Variants in SALL2 observed in about 807,000 individuals in gnomAD.
SALL2 encodes spalt like transcription factor 2, also known as sal-like protein 2.
SALL2 carries 32 observed loss-of-function variants against 58.5 expected under a neutral mutation model. That is an observed-to-expected ratio of 0.55 (90% CI 0.41 to 0.74). The LOEUF is 0.74. Ranked by LOEUF, SALL2 falls within the 30% of genes least tolerant of loss-of-function variation. SALL2 has a pLI of 0.00. For synonymous variants in SALL2, 516 were observed against 513.6 expected, an observed-to-expected ratio of 1.00 and a Z score of -0.06; for missense variants, 1,201 against 1,268.9, an observed-to-expected ratio of 0.95 and a Z score of 0.81.
At chr14:21,526,419 G>A, upstream of SALL2, 1 of 1,364,376 alleles carries the variant, frequency 7.3e-7, no homozygotes, top group Non-Finnish European at 9.4e-7. Context: ...AGAGGAGGCG[G>A]GAGAAGGGAG....
chr14:21,527,264 C>T (rs947063365), upstream of SALL2, among the ~76,000 whole-genome samples: 1 of 152,180 alleles, frequency 6.6e-6, no homozygotes, highest in Admixed American at 6.5e-5. Context: ...GTGTCTAAAG[C>T]CCTTTCAGCC....
intron 1 of SALL2, among the ~76,000 whole-genome samples, chr14:21,531,525 C>A (rs189590575): frequency 6.6e-6 from 1 of 151,492 alleles, no homozygotes; most frequent in East Asian, 1.9e-4. Flanking sequence ...TCCTGCCTCA[C>A]CCTCCCTAGT....
chr14:21,525,486 G>A lies in SALL2; in HGVS notation c.236C>T (p.Pro79Leu), dbSNP rs767019356. 1.2e-6 allele frequency: 2 copies of A among 1,613,968 alleles called. No individual in the cohort carries two copies. Among genetic ancestry groups the A allele is most frequent in the East Asian group, 2.2e-5 (1 of 44,856 alleles). The change falls in exon 2 of 2, where the codon CCC (proline) becomes CTC (leucine). Residue 79 changes from proline (P) to leucine (L), a missense_variant. By Grantham distance (98) the Pro-to-Leu change is moderately conservative (BLOSUM62 -3). Transcript: ENST00000537235. The surrounding 1 kb of genome is among the most constrained non-coding windows in gnomAD (Gnocchi z 4.4). ...NPNNSSASSE[P>L]RPEGHNNPQV... ...AGGATTATTGTGACCCTCAGGCCGGGGTTCAGAGGAGGCCGAAGAGTTGTT... is the reference window on the plus strand; with the variant it reads ...AGGATTATTGTGACCCTCAGGCCGGAGTTCAGAGGAGGCCGAAGAGTTGTT...
In SALL2 at chr14:21,523,891, C is replaced by T. The variant is rs1892160185; in HGVS notation, c.1831G>A (p.Gly611Arg). 6.2e-7 allele frequency: 1 copy of T among 1,614,194 alleles called. No individual in the cohort carries two copies. The highest frequency in any genetic ancestry group is 1.1e-5 in the South Asian group (1 of 91,090). ...GCAGGGGCAGAGGTGGTGGGGGCTCCTGAGGCAGCTGAGGTCACCGCCACA... is the reference window on the plus strand; with the variant it reads ...GCAGGGGCAGAGGTGGTGGGGGCTCTTGAGGCAGCTGAGGTCACCGCCACA... ...GAVAVTSAAS[G>R]APTTSAPAPS... The change falls in exon 2 of 2, where the codon GGA (glycine) becomes AGA (arginine). Residue 611 changes from glycine (G) to arginine (R), a missense_variant. By Grantham distance (125) the Gly-to-Arg change is moderately radical (BLOSUM62 -2). Coordinates refer to ENST00000537235, the MANE Select transcript of SALL2 (RefSeq NM_001364564.1). The surrounding 1 kb of genome is among the most constrained non-coding windows in gnomAD (Gnocchi z 4.4).
upstream of SALL2, among the ~76,000 whole-genome samples, chr14:21,529,181 A>C (rs543157543): frequency 6.3e-4 from 96 of 152,300 alleles, no homozygotes; most frequent in African/African-American, 2.1e-3. Context: ...AACATGAATG[A>C]AGTCACAAAT....
rs761929360 is a variant in SALL2, at chr14:21,523,478, C to A, written c.2244G>T (p.Gln748His). Residue 748 changes from glutamine (Q) to histidine (H), a missense_variant, in exon 2 of 2, where the codon CAG (glutamine) becomes CAT (histidine). By Grantham distance (24) the Gln-to-His change is conservative. Coordinates refer to ENST00000537235, the MANE Select transcript of SALL2 (RefSeq NM_001364564.1). This position sits in a 1 kb window ranked among gnomAD's most constrained non-coding sequence, Gnocchi z 4.4. ...STVSGARSFP[Q>H]QQSQQPSPEE... ...CCGGTGATGGCTGCTGGGACTGCTG[C>A]TGGGGGAAACTCCGTGCCCCGGAGA... is the stretch of plus-strand genomic sequence containing the variant. The A allele has an allele frequency of 4.9e-5, 79 of 1,614,070 alleles. No individual in the cohort carries two copies. The highest frequency in any genetic ancestry group is 6.6e-5 in the Non-Finnish European group (78 of 1,180,046).
intron 1 of SALL2, among the ~76,000 whole-genome samples, chr14:21,535,049 TAAA>T (rs767630032): frequency 3.2e-4 from 48 of 152,074 alleles, no homozygotes; most frequent in Non-Finnish European, 5.3e-4. Context: ...ACACGTCTCA[TAAA>T]GAAATGCTGA....
Position 21,524,685 on chromosome 14 carries a change from A to C in SALL2, c.1037T>G (p.Leu346Arg). 6.2e-7 allele frequency: 1 copy of C among 1,614,038 alleles called. No homozygotes were observed. The highest frequency in any genetic ancestry group is 8.5e-7 in the Non-Finnish European group (1 of 1,180,024). ...GLEATASPGL[L>R]KPKNGSGELS... ...CTCACCACTTCCATTCTTTGGCTTC[A>C]GGAGCCCTGGGGAGGCAGTGGCCTC... Residue 346 changes from leucine (L) to arginine (R), a missense_variant, in exon 2 of 2, where the codon CTG becomes CGG. Physicochemically the swap from Leu to Arg is moderately radical, Grantham distance 102. This residue lies in a region of SALL2 where 467 missense variants were observed against 468.9 expected (regional missense o/e 1.00). Transcript: ENST00000537235.
rs750942376 is a variant in SALL2, at chr14:21,522,941, A to G, written c.2781T>C (p.His927=). Reference sequence around the variant, plus strand: ...GCCCCTCCTTGGGGTGGGTCTTCTGATGCTCCTCCAGAGCTGCCTGGGAGG... The same window carrying G: ...GCCCCTCCTTGGGGTGGGTCTTCTGGTGCTCCTCCAGAGCTGCCTGGGAGG... ...AFPSQAALEE[H]QKTHPKEGPL... The change falls in exon 2 of 2, where the codon CAT becomes CAC. Residue 927 remains histidine (H), a synonymous_variant. Coordinates refer to ENST00000537235, the MANE Select transcript of SALL2 (RefSeq NM_001364564.1). 148 of 1,613,892 alleles carry G rather than the reference A, an allele frequency of 9.2e-5. No homozygotes were observed. Among genetic ancestry groups the G allele is most frequent in the Non-Finnish European group, 1.2e-4 (145 of 1,179,982 alleles).
rs1466352816 is a variant in SALL2, at chr14:21,526,084, C to A, written c.44G>T (p.Cys15Phe). The stretch of plus-strand genomic sequence containing the variant: ...ACCTCCGAGCTCTGCCGGCTCCCCG[C>A]AGGGCACCCCGAGACGAGAGCTCCT... ...SERSSRLGVP[C>F]GEPAELGGDA... The change falls in exon 1 of 2, where the codon TGC (cysteine) becomes TTC (phenylalanine). Residue 15 changes from cysteine to phenylalanine, a missense_variant. Around this residue, in one of 3 missense-constraint regions of SALL2, gnomAD observed 467 missense variants for 468.9 expected, o/e 1.00. Coordinates refer to ENST00000537235, the MANE Select transcript of SALL2 (RefSeq NM_001364564.1). 6.5e-7 allele frequency: 1 copy of A among 1,537,018 alleles called. No individual in the cohort carries two copies. The highest frequency in any genetic ancestry group is 8.7e-7 in the Non-Finnish European group (1 of 1,147,370).
rs912463279 is a variant in SALL2 at position 21,521,848 on chromosome 14, C to T, written c.*856G>A. The T allele has an allele frequency of 1.2e-6, 1 of 827,822 alleles. No homozygotes were observed. Among genetic ancestry groups the T allele is most frequent in the Non-Finnish European group, 1.8e-6 (1 of 549,974 alleles). 51.3% of individuals were successfully genotyped at this position (827,822 alleles called of 1,614,324 possible). On this transcript the variant is annotated 3_prime_UTR_variant, in exon 2 of 2. Transcript: ENST00000537235. ...GTCTTGGCACACTGACCAGCCAAAA[C>T]CTTTACCTTAATGTGACCATCAGGG...
At position 21,524,217 on chromosome 14, in the gene SALL2, C is replaced by T; in HGVS notation, c.1505G>A (p.Gly502Glu). ...STSAGTATAPGLPAFNKFVLM... is the reference protein window; with the variant it reads ...STSAGTATAPELPAFNKFVLM... ...CACAAACTTATTGAAAGCAGGGAGT[C>T]CTGGAGCCGTGGCTGTGCCTGCACT... The change falls in exon 2 of 2, where the codon GGA becomes GAA. Residue 502 changes from glycine to glutamate, a missense_variant. By Grantham distance (98) the Gly-to-Glu change is moderately conservative (BLOSUM62 -2). Around this residue, in one of 3 missense-constraint regions of SALL2, gnomAD observed 675 missense variants for 683.8 expected, o/e 0.99. Coordinates refer to ENST00000537235, the MANE Select transcript of SALL2 (RefSeq NM_001364564.1). 1 of 1,612,308 alleles carries T rather than the reference C, an allele frequency of 6.2e-7. No individual in the cohort carries two copies. The highest frequency in any genetic ancestry group is 8.5e-7 in the Non-Finnish European group (1 of 1,179,124).
chr14:21,526,028 C>T (rs1017598423), intron 1 of SALL2, 33 bp downstream of exon 1: 1 of 1,490,076 alleles, frequency 6.7e-7, no homozygotes, highest in Middle Eastern at 1.7e-4. Flanking sequence ...CCTCCGCCCC[C>T]ACCCCTGCCC....
Position 21,525,325 on chromosome 14 carries a change from C to T in SALL2, c.397G>A (p.Gly133Arg). Reference protein sequence around the residue: ...FLVAATGTAAGGGGGLILASP... With the variant: ...FLVAATGTAARGGGGLILASP... Reference sequence around the variant, plus strand: ...GCCAAGATCAGGCCCCCGCCTCCCCCAGCCGCTGTACCTGTGGCAGCGACC... The same window carrying T: ...GCCAAGATCAGGCCCCCGCCTCCCCTAGCCGCTGTACCTGTGGCAGCGACC... The change falls in exon 2 of 2, where the codon GGG (glycine) becomes AGG (arginine). Residue 133 changes from glycine (G) to arginine (R), a missense_variant. Coordinates refer to ENST00000537235, the MANE Select transcript of SALL2 (RefSeq NM_001364564.1). The surrounding 1 kb of genome is among the most constrained non-coding windows in gnomAD (Gnocchi z 4.4). 1 of 1,613,830 alleles carries T rather than the reference C, an allele frequency of 6.2e-7. No individual in the cohort carries two copies. Among genetic ancestry groups the T allele is most frequent in the Non-Finnish European group, 8.5e-7 (1 of 1,179,852 alleles).
chr14:21,524,292 G>A lies in SALL2; in HGVS notation c.1430C>T (p.Ala477Val), dbSNP rs1223005557. ...GGGVERKPLV[A>V]STTALSATES... ...TGTGGCACTGAGTGCTGTTGTGGAG[G>A]CCACCAGAGGCTTGCGCTCAACCCC... Residue 477 changes from alanine (A) to valine (V), a missense_variant, in exon 2 of 2, where the codon GCC becomes GTC. By Grantham distance (64) the Ala-to-Val change is moderately conservative. This residue lies in a region of SALL2 where 675 missense variants were observed against 683.8 expected (regional missense o/e 0.99). Transcript: ENST00000537235. 4 of 1,613,818 alleles carry A rather than the reference G, an allele frequency of 2.5e-6. No homozygotes were observed. Among genetic ancestry groups the A allele is most frequent in the Non-Finnish European group, 3.4e-6 (4 of 1,179,924 alleles).
Position 21,523,750 on chromosome 14 carries a change from T to G in SALL2, c.1972A>C (p.Lys658Gln). Residue 658 changes from lysine to glutamine, a missense_variant, in exon 2 of 2, where the codon AAA (lysine) becomes CAA (glutamine). Lys to Gln is a moderately conservative substitution (Grantham distance 53, BLOSUM62 1). Coordinates refer to ENST00000537235, the MANE Select transcript of SALL2 (RefSeq NM_001364564.1). The surrounding 1 kb of genome is among the most constrained non-coding windows in gnomAD (Gnocchi z 4.4). Reference sequence around the variant, plus strand: ...AAGGCTCTGCCACACACTTTGCATTTGAAGGGCCTCTCACCTCCATGTTGG... The same window carrying G: ...AAGGCTCTGCCACACACTTTGCATTGGAAGGGCCTCTCACCTCCATGTTGG... ...YGQHGGERPF[K>Q]CKVCGRAFST... The G allele has an allele frequency of 1.9e-6, 3 of 1,614,176 alleles. No homozygotes were observed. Among genetic ancestry groups the G allele is most frequent in the Non-Finnish European group, 2.5e-6 (3 of 1,180,032 alleles).
upstream of SALL2, among the ~76,000 whole-genome samples, chr14:21,527,855 TAA>T (rs879410623): frequency 8.6e-5 from 12 of 139,208 alleles, no homozygotes; most frequent in Non-Finnish European, 1.3e-4. Flanking sequence ...CCCATTACTT[TAA>T]AAAAAAAAAA....
Position 21,525,509 on chromosome 14 carries a change from G to A in SALL2, c.213C>T (p.Asn71=), listed in dbSNP as rs1167579070. The part of the protein sequence containing the change: ...MVIIGGQENP[N]NSSASSEPRP... ...GGGGTTCAGAGGAGGCCGAAGAGTT[G>A]TTGGGGTTCTCCTGGCCCCCAATTA... The change falls in exon 2 of 2, where the codon AAC becomes AAT. Residue 71 remains asparagine, a synonymous_variant. Coordinates refer to ENST00000537235, the MANE Select transcript of SALL2 (RefSeq NM_001364564.1). The surrounding 1 kb of genome is among the most constrained non-coding windows in gnomAD (Gnocchi z 4.4). The A allele has an allele frequency of 6.2e-7, 1 of 1,614,004 alleles. No individual in the cohort carries two copies. The highest frequency in any genetic ancestry group is 1.1e-5 in the South Asian group (1 of 91,064).
upstream of SALL2, chr14:21,526,358 A>T: frequency 3.1e-6 from 4 of 1,270,952 alleles, no homozygotes; most frequent in Non-Finnish European, 3.0e-6. Context: ...GGAGGAGCTG[A>T]TGAGGAGGGG....
Sources: allele counts gnomAD v4.1 joint callset (sites outside exome capture counted in the v4.1 genomes callset), GRCh38; gene constraint gnomAD v4.1.1; regional missense constraint gnomAD v4.1.1; non-coding constraint Gnocchi (gnomAD v3.1); transcripts MANE v1.5; gene names NCBI Gene and HGNC (gene_info 2026-07-23, HGNC 2026-07-21).